Variants in DLGAP1 observed in about 807,000 individuals in gnomAD.
DLGAP1 encodes disks large-associated protein 1.
Under a neutral mutation model 90.8 loss-of-function variants are expected in DLGAP1, and 11 were observed. That is an observed-to-expected ratio of 0.12 (90% CI 0.08 to 0.20). The LOEUF is 0.20. Among genes scored for constraint, DLGAP1 ranks in the 10% least tolerant of loss-of-function variants. The probability of loss-of-function intolerance (pLI) is 1.00; values close to 1 mark genes in which losing one functional copy is unlikely to be tolerated. For missense variants in DLGAP1, 1,050 were observed against 1,333.8 expected, an observed-to-expected ratio of 0.79 and a Z score of 3.31; for synonymous variants, 558 against 540.7, an observed-to-expected ratio of 1.03 and a Z score of -0.44.
At chr18:4,138,165 G>C (rs983892992) in intron 2 of DLGAP1, among the ~76,000 whole-genome samples, 1 of 152,040 alleles carries the variant, frequency 6.6e-6, no homozygotes, top group South Asian at 2.1e-4. Context: ...GTGGTGAAAA[G>C]TGGGCATCCT....
chr18:4,207,866 T>C (rs2077754595), intron 1 of DLGAP1, among the ~76,000 whole-genome samples: 1 of 152,182 alleles, frequency 6.6e-6, no homozygotes, highest in Non-Finnish European at 1.5e-5. Context: ...TTTCCCCTAT[T>C]AAAAAATCAT....
chr18:3,643,124 G>C (rs929637637), intron 7 of DLGAP1, among the ~76,000 whole-genome samples: 3 of 152,144 alleles, frequency 2.0e-5, no homozygotes, highest in African/African-American at 7.2e-5. Context: ...GAAGGAAGAA[G>C]ATTTTAATAA....
chr18:3,673,162 C>T (rs112453964), intron 7 of DLGAP1, among the ~76,000 whole-genome samples: 49 of 152,176 alleles, frequency 3.2e-4, no homozygotes, highest in African/African-American at 1.2e-3. Context: ...TACTTGCCTC[C>T]ACACCTCTGT....
At position 4,026,059 on chromosome 18, in the gene DLGAP1, C is replaced by CA. The variant is rs1356187144; in HGVS notation, c.-158-20859dup. On this transcript the variant is annotated intron_variant, in intron 2 of 12. Transcript: ENST00000315677. ...GCTTATAGTATTAACAGCATCACAT[C>CA]ACAAAATGTTGTCAGGTTCTTGCGG... 2.0e-5 allele frequency among the ~76,000 whole-genome samples: 3 copies of CA among 152,192 alleles called. No individual in the cohort carries two copies. The East Asian group carries it at 5.8e-4, about 29-fold the overall frequency.
At chr18:4,255,664 C>T (rs1356603916) in intron 1 of DLGAP1, among the ~76,000 whole-genome samples, 1 of 151,970 alleles carries the variant, frequency 6.6e-6, no homozygotes. Flanking sequence ...GAAATCTGGG[C>T]TATTGCTTAG....
At chr18:3,637,747 A>C (rs558013709) in intron 7 of DLGAP1, among the ~76,000 whole-genome samples, 1 of 152,020 alleles carries the variant, frequency 6.6e-6, no homozygotes, top group South Asian at 2.1e-4. Context: ...ATACTGTCTC[A>C]AAAATTAAAA....
chr18:4,109,236 C>A (rs2075927339), intron 2 of DLGAP1, among the ~76,000 whole-genome samples: 1 of 151,944 alleles, frequency 6.6e-6, no homozygotes, highest in African/African-American at 2.4e-5. Context: ...ATGATCAGAT[C>A]ATTTTGCCAA....
chr18:3,881,682 G>A (rs1433417782), intron 3 of DLGAP1, among the ~76,000 whole-genome samples: 5 of 152,230 alleles, frequency 3.3e-5, no homozygotes, highest in African/African-American at 1.2e-4. Flanking sequence ...GGGAGGCCGA[G>A]GCAGGTGGAT....
At chr18:4,092,850 C>T (rs988316627) in intron 2 of DLGAP1, among the ~76,000 whole-genome samples, 2 of 152,130 alleles carry the variant, frequency 1.3e-5, no homozygotes, top group East Asian at 1.9e-4. Context: ...CCCTTTGTGC[C>T]TGCAGCTTCT....
intron 7 of DLGAP1, among the ~76,000 whole-genome samples, chr18:3,692,094 CTTAG>C (rs896173877): frequency 6.6e-6 from 1 of 152,060 alleles, no homozygotes; most frequent in Non-Finnish European, 1.5e-5. Context: ...AAGAGCTATC[CTTAG>C]GAGGACTTTG....
intron 3 of DLGAP1, among the ~76,000 whole-genome samples, chr18:3,992,909 A>G (rs1171531091): frequency 1.3e-5 from 2 of 152,176 alleles, no homozygotes; most frequent in Non-Finnish European, 2.9e-5. Context: ...CACCTCAGCA[A>G]TGTAGCATCT....
chr18:4,244,297 A>G (rs1222462787), intron 1 of DLGAP1, among the ~76,000 whole-genome samples: 1 of 152,204 alleles, frequency 6.6e-6, no homozygotes, highest in Non-Finnish European at 1.5e-5. Context: ...TTAAGAATTT[A>G]ACAAATGACT....
intron 7 of DLGAP1, among the ~76,000 whole-genome samples, chr18:3,630,516 C>A (rs1026544843): frequency 6.6e-6 from 1 of 152,186 alleles, no homozygotes; most frequent in African/African-American, 2.4e-5. Context: ...CTTTCTCTCT[C>A]TCCTGTTGTC....
chr18:3,758,745 C>T (rs1017559767), intron 5 of DLGAP1, among the ~76,000 whole-genome samples: 10 of 152,212 alleles, frequency 6.6e-5, no homozygotes, highest in Admixed American at 5.2e-4. Context: ...ATGCATATGA[C>T]TCATGCATAT....
At chr18:3,560,589 C>CAAAA (rs59239504) in intron 9 of DLGAP1, among the ~76,000 whole-genome samples, 3 of 69,946 alleles carry the variant, frequency 4.3e-5, no homozygotes, top group African/African-American at 1.6e-4. Flanking sequence ...GACTCAGTCT[C>CAAAA]AAAAAAAAAA....
At position 4,105,932 on chromosome 18, in the gene DLGAP1, C is replaced by T. The variant is rs200831850; in HGVS notation, c.-159+45248G>A. 2.6e-3 allele frequency among the ~76,000 whole-genome samples: 382 copies of T among 148,236 alleles called. 2 individuals are homozygous for T. The highest frequency in any genetic ancestry group is 6.5e-3 in the African/African-American group (260 of 40,268). ...CTGTAGTCCCAGCTACTCGGGAGGC[C>T]GAGGCAGGAGAATGGCGTGAACCCG... On this transcript the variant is annotated intron_variant, in intron 2 of 12. Coordinates refer to ENST00000315677, the MANE Select transcript of DLGAP1 (RefSeq NM_004746.4).
intron 9 of DLGAP1, among the ~76,000 whole-genome samples, chr18:3,559,091 A>G (rs1367414100): frequency 6.6e-6 from 1 of 152,210 alleles, no homozygotes; most frequent in Non-Finnish European, 1.5e-5. Flanking sequence ...AAAATGGCAA[A>G]TCCTAGAAAA....
At chr18:3,953,380 T>C (rs1410954539) in intron 3 of DLGAP1, among the ~76,000 whole-genome samples, 1 of 152,196 alleles carries the variant, frequency 6.6e-6, no homozygotes, top group Non-Finnish European at 1.5e-5. Context: ...TTTCATTCGA[T>C]ATGTGTATGT....
intron 2 of DLGAP1, among the ~76,000 whole-genome samples, chr18:4,014,265 T>A (rs534193024): frequency 1.7e-3 from 259 of 152,220 alleles, no homozygotes; most frequent in African/African-American, 5.9e-3. Context: ...TCTGTATTTT[T>A]AGTAGAGACG....
Sources: gnomAD v4.1 joint callset for allele counts (sites outside exome capture counted in the v4.1 genomes callset) on GRCh38, gnomAD v4.1.1 for gene constraint, MANE v1.5 for transcripts, NCBI Gene and HGNC (gene_info 2026-07-23, HGNC 2026-07-21) for gene names.